The following CTNND2 variants were observed in gnomAD, a reference collection of about 807,000 sequenced individuals.
The protein encoded by CTNND2 is catenin delta 2, also known as catenin delta-2.
CTNND2 carries 22 observed loss-of-function variants against 144.4 expected under a neutral mutation model. The ratio of observed to expected loss-of-function variants is 0.15; its 90% CI spans 0.11 to 0.22. CTNND2 has a LOEUF of 0.22. CTNND2 is among the 10% of genes least tolerant of loss of function. The pLI is 1.00. For synonymous variants in CTNND2, 751 were observed against 695.6 expected (o/e 1.08, Z -1.25); for missense variants, 1,353 against 1,618.8 (o/e 0.84, Z 2.82).
At chr5:11,879,510 C>A (rs1364022630) in intron 1 of CTNND2, among the ~76,000 whole-genome samples, 1 of 151,442 alleles carries the variant, frequency 6.6e-6, no homozygotes, top group African/African-American at 2.4e-5. Flanking sequence ...CAAAAACCAG[C>A]AAGATGGCTC....
intron 1 of CTNND2, among the ~76,000 whole-genome samples, chr5:11,902,303 G>T (rs61761561): frequency 6.6e-6 from 1 of 152,118 alleles, no homozygotes; most frequent in Non-Finnish European, 1.5e-5. Flanking sequence ...CATCTAGTTC[G>T]TATTTGAGGA....
intron 2 of CTNND2, among the ~76,000 whole-genome samples, chr5:11,694,397 T>C (rs1211610275): frequency 6.7e-6 from 1 of 148,596 alleles, no homozygotes; most frequent in Non-Finnish European, 1.5e-5. Flanking sequence ...ATTGCAGCAC[T>C]GCACCTCCAG....
chr5:11,409,294 C>G lies in CTNND2; in HGVS notation c.439+2242G>C, dbSNP rs371814238. 2.2e-4 allele frequency among the ~76,000 whole-genome samples: 33 copies of G among 152,050 alleles called. No homozygotes were observed. In the East Asian group the frequency reaches 5.6e-3, roughly 26 times the overall value. On this transcript the variant is annotated intron_variant, in intron 5 of 21. Transcript: ENST00000304623. ...TTATCCAAGAATATGGCCCTCCATA[C>G]TTCTTAACTTTTATAATTGCCTTTA...
chr5:11,666,711 A>G (rs1449662851), intron 2 of CTNND2, among the ~76,000 whole-genome samples: 1 of 152,164 alleles, frequency 6.6e-6, no homozygotes, highest in Non-Finnish European at 1.5e-5. Flanking sequence ...ACTCTTTTGT[A>G]ATGTAAAGTG....
At chr5:11,480,508 T>A (rs1481997192) in intron 3 of CTNND2, among the ~76,000 whole-genome samples, 1 of 152,148 alleles carries the variant, frequency 6.6e-6, no homozygotes, top group Non-Finnish European at 1.5e-5. Context: ...CACAGATAAC[T>A]CCCTTCAAAC....
chr5:11,107,324 A>C (rs1377724328), intron 14 of CTNND2, among the ~76,000 whole-genome samples: 1 of 152,218 alleles, frequency 6.6e-6, no homozygotes, highest in South Asian at 2.1e-4. Context: ...TTAAAGTTCA[A>C]ATCTCCATTG....
rs537705693 is a variant in CTNND2, at chr5:11,274,375, A to G, written c.1629-37552T>C. On this transcript the variant is annotated intron_variant, in intron 9 of 21. Coordinates refer to ENST00000304623, the MANE Select transcript of CTNND2 (RefSeq NM_001332.4). ...CATATGCCTATTTCAGCAATAACTA[A>G]TAACTTTTTCATATGAAAGGACCAT... Among the ~76,000 whole-genome samples, 9 of 152,330 alleles carry G rather than the reference A, an allele frequency of 5.9e-5. No homozygotes were observed. In the South Asian group the frequency reaches 1.9e-3, roughly 32 times the overall value.
chr5:11,752,672 C>T (rs1788693787), intron 1 of CTNND2, among the ~76,000 whole-genome samples: 1 of 151,302 alleles, frequency 6.6e-6, no homozygotes, highest in South Asian at 2.1e-4. Flanking sequence ...GCTATTGGGG[C>T]TTTTTTTCGT....
At chr5:11,592,431 T>C (rs1441100909) in intron 2 of CTNND2, among the ~76,000 whole-genome samples, 1 of 152,176 alleles carries the variant, frequency 6.6e-6, no homozygotes, top group Admixed American at 6.5e-5. Flanking sequence ...TGCTGATTTA[T>C]TTCCTAGTAT....
At chr5:11,250,487 CTCTCTA>C (rs1409127322) in intron 9 of CTNND2, among the ~76,000 whole-genome samples, 13 of 67,208 alleles carry the variant, frequency 1.9e-4, no homozygotes, top group Admixed American at 3.8e-4. Flanking sequence ...CTCTCTCTCT[CTCTCTA>C]TATATATATA....
chr5:11,692,882 A>G (rs958941496), intron 2 of CTNND2, among the ~76,000 whole-genome samples: 1 of 152,218 alleles, frequency 6.6e-6, no homozygotes, highest in Admixed American at 6.5e-5. Context: ...GATTACGGGC[A>G]TGGGCCACTG....
intron 2 of CTNND2, among the ~76,000 whole-genome samples, chr5:11,720,370 C>T (rs1432763681): frequency 6.6e-6 from 1 of 152,156 alleles, no homozygotes; most frequent in Non-Finnish European, 1.5e-5. Context: ...CTTAAAGTTC[C>T]TCAAGTTTGT....
In CTNND2 at chr5:11,404,602, C is replaced by CTTTTTTTT. The variant is rs555388304; in HGVS notation, c.439+6926_439+6933dup. Among the ~76,000 whole-genome samples the CTTTTTTTT allele has an allele frequency of 5.1e-3, 292 of 57,382 alleles. 85 individuals are homozygous for CTTTTTTTT. The highest frequency in any genetic ancestry group is 0.025 in the Middle Eastern group (1 of 40). 37.6% of individuals were successfully genotyped at this position (57,382 alleles called of 152,430 possible). ...ATCAGTATCTGTCAGTATCTGTATT[C>CTTTTTTTT]TTTTTTTTTTTTTTTTTTTTTTTTT... On this transcript the variant is annotated intron_variant, in intron 5 of 21. Coordinates refer to ENST00000304623, the MANE Select transcript of CTNND2 (RefSeq NM_001332.4).
intron 13 of CTNND2, among the ~76,000 whole-genome samples, chr5:11,113,452 C>T (rs114271975): frequency 0.017 from 2,618 of 152,192 alleles, 61 homozygotes; most frequent in African/African-American, 0.057. Context: ...GTGACTGAGA[C>T]AGTATGGCCC....
intron 3 of CTNND2, among the ~76,000 whole-genome samples, chr5:11,415,633 A>C (rs62337475): frequency 0.045 from 6,866 of 152,192 alleles, 198 homozygotes; most frequent in South Asian, 0.07. Flanking sequence ...TTAAAAAATA[A>C]TTTTTAAAAA....
intron 1 of CTNND2, among the ~76,000 whole-genome samples, chr5:11,884,769 C>T (rs1406380927): frequency 6.6e-6 from 1 of 151,954 alleles, no homozygotes; most frequent in African/African-American, 2.4e-5. Context: ...TAACTTTAAC[C>T]CATTCACTAT....
At chr5:11,468,148 C>T (rs1766843513) in intron 3 of CTNND2, among the ~76,000 whole-genome samples, 1 of 152,122 alleles carries the variant, frequency 6.6e-6, no homozygotes, top group South Asian at 2.1e-4. Flanking sequence ...AACAGAAAAA[C>T]TGTATTAGTG....
rs564377465 is a variant in CTNND2 at position 11,580,450 on chromosome 5, C to G, written c.175-15394G>C. The stretch of plus-strand genomic sequence containing the variant: ...CAGTGTTTTCAAAATTCACATCTTA[C>G]CTGCAGAAACCTTAGCATGCAGAAA... On this transcript the variant is annotated intron_variant, in intron 2 of 21. Coordinates refer to ENST00000304623, the MANE Select transcript of CTNND2 (RefSeq NM_001332.4). Among the ~76,000 whole-genome samples the G allele has an allele frequency of 3.9e-5, 6 of 152,310 alleles. No homozygotes were observed. The East Asian group carries it at 1.2e-3, about 29-fold the overall frequency.
chr5:11,894,089 C>CG (rs998961894), intron 1 of CTNND2, among the ~76,000 whole-genome samples: 2 of 142,114 alleles, frequency 1.4e-5, no homozygotes, highest in African/African-American at 5.1e-5. Flanking sequence ...GAATTCTGTG[C>CG]AATTTGTTCA....
Sources: allele counts gnomAD v4.1 joint callset (sites outside exome capture counted in the v4.1 genomes callset), GRCh38; gene constraint gnomAD v4.1.1; transcripts MANE v1.5; gene names NCBI Gene and HGNC (gene_info 2026-07-23, HGNC 2026-07-21).